SUSD4: variants seen among roughly 807,000 people sequenced by gnomAD.
SUSD4 encodes the protein sushi domain-containing protein 4.
A neutral mutation model predicts 50.5 loss-of-function variants in SUSD4; 41 were observed. The observed-to-expected ratio is 0.81, with a 90% CI of 0.63 to 1.05. The LOEUF (loss-of-function observed/expected upper bound fraction) is 1.05, where lower values mean the gene tolerates loss of function less well. Ranked by LOEUF, SUSD4 falls within the 50% of genes least tolerant of loss-of-function variation. The pLI, the probability that SUSD4 is intolerant of heterozygous loss-of-function variation, is 0.00. For missense variants in SUSD4, 580 were observed against 634.7 expected, an observed-to-expected ratio of 0.91 and a Z score of 0.93; for synonymous variants, 257 against 257.3, an observed-to-expected ratio of 1.00 and a Z score of 0.01.
chr1:223,243,101 C>T (rs994664690), intron 5 of SUSD4, among the ~76,000 whole-genome samples: 8 of 152,036 alleles, frequency 5.3e-5, no homozygotes, highest in Non-Finnish European at 2.9e-5. Flanking sequence ...TGACAGTGGC[C>T]ACAGGGAGCC....
At chr1:223,281,297 G>A (rs1019979815) in intron 3 of SUSD4, among the ~76,000 whole-genome samples, 5 of 152,136 alleles carry the variant, frequency 3.3e-5, no homozygotes, top group Non-Finnish European at 7.3e-5. Context: ...ATGAATACAG[G>A]AGCTGGTTTT....
intron 3 of SUSD4, among the ~76,000 whole-genome samples, chr1:223,290,648 G>A (rs1000373938): frequency 2.0e-5 from 3 of 152,062 alleles, no homozygotes; most frequent in Non-Finnish European, 2.9e-5. Flanking sequence ...ATCTGGGGCT[G>A]AGTGTTAAGA....
At chr1:223,255,663 C>T (rs145252333) in intron 5 of SUSD4, among the ~76,000 whole-genome samples, 8 of 152,246 alleles carry the variant, frequency 5.3e-5, no homozygotes, top group African/African-American at 1.7e-4. Context: ...CTAGAGGAGG[C>T]GAGGGAAGGG....
chr1:223,322,617 T>G (rs539008443), intron 2 of SUSD4, among the ~76,000 whole-genome samples: 5 of 151,320 alleles, frequency 3.3e-5, no homozygotes, highest in East Asian at 1.9e-4. Flanking sequence ...AGCCCTGGGG[T>G]GTGTGTGTGT....
intron 2 of SUSD4, among the ~76,000 whole-genome samples, chr1:223,348,951 C>G (rs1359667748): frequency 6.6e-6 from 1 of 152,052 alleles, no homozygotes; most frequent in African/African-American, 2.4e-5. Context: ...AGGAGCTGGT[C>G]CATGGGCATG....
intron 2 of SUSD4, among the ~76,000 whole-genome samples, chr1:223,302,532 T>TC (rs1214132140): frequency 1.3e-5 from 2 of 152,152 alleles, no homozygotes; most frequent in African/African-American, 4.8e-5. Flanking sequence ...GATGGAGGAC[T>TC]CCTCCTGAGC....
chr1:223,307,624 G>A lies in SUSD4; in HGVS notation c.149-14973C>T, dbSNP rs528688910. Among the ~76,000 whole-genome samples, 17 of 152,318 alleles carry A rather than the reference G, an allele frequency of 1.1e-4. No individual in the cohort carries two copies. In the South Asian group the frequency reaches 1.4e-3, roughly 13 times the overall value. On this transcript the variant is annotated intron_variant, in intron 2 of 8. Transcript: ENST00000366878. ...CTGGGACTTTTGCGGGGGGATTGGA[G>A]ATGGGGAGGAAGAACAAGACACTAT...
chr1:223,346,468 G>A (rs1668041936), intron 2 of SUSD4, among the ~76,000 whole-genome samples: 2 of 152,178 alleles, frequency 1.3e-5, no homozygotes, highest in African/African-American at 4.8e-5. Context: ...GATGACGTTA[G>A]CTGGCAAATC....
At chr1:223,244,688 G>A (rs1343751813) in intron 5 of SUSD4, among the ~76,000 whole-genome samples, 1 of 151,746 alleles carries the variant, frequency 6.6e-6, no homozygotes, top group African/African-American at 2.4e-5. Flanking sequence ...CTCAGGTGTT[G>A]TTTTCTGATA....
At chr1:223,354,348 A>C (rs904377161) in intron 2 of SUSD4, among the ~76,000 whole-genome samples, 1 of 152,138 alleles carries the variant, frequency 6.6e-6, no homozygotes, top group South Asian at 2.1e-4. Context: ...TCCAAAAAAA[A>C]AAAAAAGAAC....
chr1:223,252,149 C>T (rs958084561), intron 5 of SUSD4, among the ~76,000 whole-genome samples: 3 of 147,284 alleles, frequency 2.0e-5, no homozygotes, highest in African/African-American at 5.1e-5. Flanking sequence ...AGCACACCAA[C>T]ATGGCACATG....
intron 2 of SUSD4, among the ~76,000 whole-genome samples, chr1:223,295,304 T>C (rs1176109004): frequency 6.6e-6 from 1 of 152,212 alleles, no homozygotes; most frequent in Non-Finnish European, 1.5e-5. Flanking sequence ...TTATATAGTT[T>C]AGAAGGCCTA....
At chr1:223,234,946 C>A in intron 5 of SUSD4, 1 of 1,567,628 alleles carries the variant, frequency 6.4e-7, no homozygotes, top group South Asian at 1.2e-5. Flanking sequence ...TGCAGGAGAA[C>A]AACATTTAGA....
chr1:223,346,081 G>A (rs552068484), intron 2 of SUSD4, among the ~76,000 whole-genome samples: 3 of 152,214 alleles, frequency 2.0e-5, no homozygotes, highest in East Asian at 1.9e-4. Context: ...TGTAGAGGCC[G>A]TCCTGTGCAT....
intron 2 of SUSD4, among the ~76,000 whole-genome samples, chr1:223,306,154 T>C (rs1402288358): frequency 1.3e-5 from 2 of 152,178 alleles, no homozygotes; most frequent in Non-Finnish European, 2.9e-5. Flanking sequence ...CTTGATTTAA[T>C]TCGCTTTGAT....
intron 2 of SUSD4, among the ~76,000 whole-genome samples, chr1:223,347,855 G>C (rs1668127805): frequency 7.1e-6 from 1 of 141,068 alleles, no homozygotes; most frequent in Admixed American, 7.1e-5. Context: ...CAGTTGTCTG[G>C]AGGAAAGCAA....
chr1:223,323,998 G>A (rs1251288416), intron 2 of SUSD4, among the ~76,000 whole-genome samples: 2 of 151,798 alleles, frequency 1.3e-5, no homozygotes, highest in African/African-American at 4.8e-5. Context: ...TTCACCATCT[G>A]TGGATGTGAG....
chr1:223,291,989 T>A (rs1664520567), intron 3 of SUSD4, among the ~76,000 whole-genome samples: 2 of 152,238 alleles, frequency 1.3e-5, no homozygotes, highest in African/African-American at 4.8e-5. Context: ...TTCTTTCTTT[T>A]CCTAAATGCA....
chr1:223,298,935 G>T (rs1020949990), intron 2 of SUSD4, among the ~76,000 whole-genome samples: 1 of 152,164 alleles, frequency 6.6e-6, no homozygotes, highest in African/African-American at 2.4e-5. Context: ...GAATGCTGCC[G>T]GCCATGGGCT....
Sources: gnomAD v4.1 joint callset for allele counts (sites outside exome capture counted in the v4.1 genomes callset) on GRCh38, gnomAD v4.1.1 for gene constraint, MANE v1.5 for transcripts, NCBI Gene and HGNC (gene_info 2026-07-23, HGNC 2026-07-21) for gene names.